The following FRMD5 variants were observed in gnomAD, a reference collection of about 807,000 sequenced individuals.
FRMD5 encodes FERM domain containing 5.
A neutral mutation model predicts 69.0 loss-of-function variants in FRMD5; 20 were observed. The observed-to-expected ratio is 0.29, with a 90% confidence interval of 0.20 to 0.42. FRMD5 has a LOEUF of 0.42. Among genes scored for constraint, FRMD5 ranks in the 10% least tolerant of loss-of-function variants. The probability of loss-of-function intolerance (pLI) is 1.00; values close to 1 mark genes in which losing one functional copy is unlikely to be tolerated. For synonymous variants in FRMD5, 271 were observed against 260.1 expected, an observed-to-expected ratio of 1.04 and a Z score of -0.40; for missense variants, 595 against 708.6, an observed-to-expected ratio of 0.84 and a Z score of 1.82.
intron 1 of FRMD5, among the ~76,000 whole-genome samples, chr15:44,139,373 A>T (rs1250363882): frequency 1.3e-5 from 2 of 151,006 alleles, no homozygotes; most frequent in Admixed American, 6.6e-5. Flanking sequence ...AGACTAAGTT[A>T]AAAAAAAATC....
intron 1 of FRMD5, among the ~76,000 whole-genome samples, chr15:44,175,587 T>C (rs1439699300): frequency 6.6e-6 from 1 of 152,148 alleles, no homozygotes; most frequent in Non-Finnish European, 1.5e-5. Flanking sequence ...GACACACATA[T>C]ACAACTAGTA....
rs574726187 is a variant in FRMD5, at chr15:44,164,626, A to G, written c.102+30327T>C. Among the ~76,000 whole-genome samples the G allele has an allele frequency of 2.6e-4, 39 of 152,328 alleles. 1 individual carries two copies. In the South Asian group the frequency reaches 7.7e-3, roughly 30 times the overall value. ...CTGCTCAACATGGGAACTACTTTCT[A>G]TACAAGTCTTAATGGGAGACACTTT... On this transcript the variant is annotated intron_variant, in intron 1 of 13. Transcript: ENST00000417257.
intron 1 of FRMD5, among the ~76,000 whole-genome samples, chr15:43,972,239 C>T (rs1370658986): frequency 6.6e-6 from 1 of 151,936 alleles, no homozygotes; most frequent in Non-Finnish European, 1.5e-5. Context: ...CCATCTCTCT[C>T]TTATCCCCTC....
At chr15:44,002,257 T>C (rs1291087827) in intron 1 of FRMD5, among the ~76,000 whole-genome samples, 1 of 152,172 alleles carries the variant, frequency 6.6e-6, no homozygotes, top group Non-Finnish European at 1.5e-5. Flanking sequence ...ATCATTGTTA[T>C]TGGAGGCTCA....
chr15:44,046,021 T>C (rs1892411960), intron 1 of FRMD5, among the ~76,000 whole-genome samples: 1 of 152,116 alleles, frequency 6.6e-6, no homozygotes, highest in Non-Finnish European at 1.5e-5. Context: ...AAATGTTACT[T>C]TAAACAGTAC....
chr15:44,086,666 C>G (rs1390833036), intron 1 of FRMD5, among the ~76,000 whole-genome samples: 1 of 152,078 alleles, frequency 6.6e-6, no homozygotes, highest in Non-Finnish European at 1.5e-5. Flanking sequence ...CTTAATGCCA[C>G]TGAATGATAC....
intron 1 of FRMD5, among the ~76,000 whole-genome samples, chr15:43,976,343 G>A (rs1035559364): frequency 6.6e-6 from 1 of 152,106 alleles, no homozygotes; most frequent in Non-Finnish European, 1.5e-5. Flanking sequence ...TTGAGAGAAC[G>A]ACATGACATG....
At chr15:43,926,104 TGAATA>T (rs1238819816) in intron 1 of FRMD5, among the ~76,000 whole-genome samples, 1 of 152,230 alleles carries the variant, frequency 6.6e-6, no homozygotes, top group Non-Finnish European at 1.5e-5. Context: ...AATTACTGAA[TGAATA>T]GAAGGGAAAA....
At chr15:44,118,409 G>A (rs1291706158) in intron 1 of FRMD5, among the ~76,000 whole-genome samples, 1 of 152,104 alleles carries the variant, frequency 6.6e-6, no homozygotes, top group African/African-American at 2.4e-5. Flanking sequence ...GAACATATTT[G>A]TGGTCTCCTC....
intron 1 of FRMD5, among the ~76,000 whole-genome samples, chr15:44,107,953 T>C (rs1454575867): frequency 1.3e-5 from 2 of 152,174 alleles, no homozygotes; most frequent in African/African-American, 4.8e-5. Flanking sequence ...TTTTCAGGGA[T>C]GTGCAATTGG....
intron 1 of FRMD5, among the ~76,000 whole-genome samples, chr15:43,957,383 G>C (rs907223500): frequency 6.6e-6 from 1 of 152,144 alleles, no homozygotes; most frequent in African/African-American, 2.4e-5. Context: ...TTTTAGTAGA[G>C]ACAGGATTTC....
chr15:44,105,483 A>T (rs2076704264), intron 1 of FRMD5, among the ~76,000 whole-genome samples: 3 of 152,186 alleles, frequency 2.0e-5, no homozygotes, highest in African/African-American at 7.2e-5. Flanking sequence ...ACTGATCTTG[A>T]ACTTCCCAGA....
intron 4 of FRMD5, 167 bp downstream of exon 4, chr15:43,919,292 G>A (rs763796902): frequency 5.2e-6 from 4 of 775,610 alleles, no homozygotes; most frequent in South Asian, 4.1e-5. Flanking sequence ...TGAGGGGTAC[G>A]CGAAGAAAGC....
intron 1 of FRMD5, among the ~76,000 whole-genome samples, chr15:44,185,242 A>G (rs868616344): frequency 4.6e-5 from 7 of 152,184 alleles, no homozygotes; most frequent in African/African-American, 1.7e-4. Context: ...AGTTTGAAGA[A>G]GTTGCATTCC....
chr15:44,096,985 T>C (rs1394292619), intron 1 of FRMD5, among the ~76,000 whole-genome samples: 3 of 152,184 alleles, frequency 2.0e-5, no homozygotes, highest in African/African-American at 7.2e-5. Context: ...CTTTGGAAAG[T>C]ACAAAAAGCA....
In FRMD5 at chr15:44,155,718, C is replaced by T. The variant is rs375349158; in HGVS notation, c.102+39235G>A. On this transcript the variant is annotated intron_variant, in intron 1 of 13. Coordinates refer to ENST00000417257, the MANE Select transcript of FRMD5 (RefSeq NM_032892.5). Reference sequence around the variant, plus strand: ...AAGCGATTCTCCTGCCTCAGCCTCCCGAGTAGCTGGGAATACAGGCACCCA... The same window carrying T: ...AAGCGATTCTCCTGCCTCAGCCTCCTGAGTAGCTGGGAATACAGGCACCCA... Among the ~76,000 whole-genome samples, 25 of 151,680 alleles carry T rather than the reference C, an allele frequency of 1.6e-4. 1 individual carries two copies. The East Asian group carries it at 4.4e-3, about 27-fold the overall frequency.
At chr15:43,990,412 TATA>T (rs1388676911) in intron 1 of FRMD5, among the ~76,000 whole-genome samples, 1 of 152,248 alleles carries the variant, frequency 6.6e-6, no homozygotes, top group African/African-American at 2.4e-5. Flanking sequence ...TCTCATTATT[TATA>T]ATGTTTTAAA....
At chr15:44,081,616 C>T (rs886788960) in intron 1 of FRMD5, among the ~76,000 whole-genome samples, 2 of 152,022 alleles carry the variant, frequency 1.3e-5, no homozygotes, top group African/African-American at 4.8e-5. Flanking sequence ...TGCTTTGGAA[C>T]TCAGAGGATT....
intron 12 of FRMD5, 87 bp downstream of exon 12, chr15:43,884,640 C>G: frequency 8.2e-7 from 1 of 1,220,622 alleles, no homozygotes; most frequent in Non-Finnish European, 1.2e-6. Flanking sequence ...GCCACTGGAG[C>G]CAGGGGCTTC....
Sources: allele counts gnomAD v4.1 joint callset (sites outside exome capture counted in the v4.1 genomes callset), GRCh38; gene constraint gnomAD v4.1.1; transcripts MANE v1.5; gene names NCBI Gene and HGNC (gene_info 2026-07-23, HGNC 2026-07-21).